Variants in PLAUR observed in about 807,000 individuals in gnomAD.
PLAUR encodes plasminogen activator, urokinase receptor.
PLAUR carries 22 observed loss-of-function variants against 33.4 expected under a neutral mutation model. That is an observed-to-expected ratio of 0.66 (90% CI 0.47 to 0.94). PLAUR has a LOEUF of 0.94. Ranked by LOEUF, PLAUR falls within the 40% of genes least tolerant of loss-of-function variation. PLAUR has a pLI of 0.00. For synonymous variants in PLAUR, 148 were observed against 167.3 expected (o/e 0.88, Z 0.89); for missense variants, 408 against 434.7 (o/e 0.94, Z 0.55).
rs1376825124 is a variant in PLAUR, at chr19:43,652,224, C to A, written c.754+1G>T. ...CCTCCCAGCCTCGGAGAGGGCCTCA[C>A]CGTGAGTGCCGGTGGCTACCAGACA... On this transcript the variant is annotated splice_donor_variant, in intron 6 of 6. Transcript: ENST00000340093. LOFTEE classifies it high-confidence loss of function. 1 of 1,614,034 alleles carries A rather than the reference C, an allele frequency of 6.2e-7. No homozygotes were observed. The highest frequency in any genetic ancestry group is 1.7e-5 in the Admixed American group (1 of 60,006).
At chr19:43,647,879 G>T (rs1212754306), downstream of PLAUR, among the ~76,000 whole-genome samples, 1 of 149,872 alleles carries the variant, frequency 6.7e-6, no homozygotes, top group East Asian at 1.9e-4. Context: ...TGAAGGACAG[G>T]TTTATTTTAG....
intron 3 of PLAUR, among the ~76,000 whole-genome samples, chr19:43,658,320 A>G (rs1313466407): frequency 1.3e-5 from 2 of 152,198 alleles, no homozygotes; most frequent in African/African-American, 4.8e-5. Context: ...AGATGACTGC[A>G]GCCCCAGCTG....
rs4251834 is a variant in PLAUR at position 43,665,183 on chromosome 19, G to A, written c.310+133C>T. 666 of 875,108 alleles carry A rather than the reference G, an allele frequency of 7.6e-4. 6 individuals are homozygous for A. The African/African-American group carries it at 9.8e-3, about 13-fold the overall frequency. The allele number at this position is 875,108 out of a possible 1,614,324, so 54.2% of individuals were successfully genotyped here. ...TGGAGCTGAGCTAGAGATGGGTTGGGTTGGGGTTGGGACTTGGATAAGGCA... is the reference window on the plus strand; with the variant it reads ...TGGAGCTGAGCTAGAGATGGGTTGGATTGGGGTTGGGACTTGGATAAGGCA... On this transcript the variant is annotated intron_variant, in intron 3 of 6. Coordinates refer to ENST00000340093, the MANE Select transcript of PLAUR (RefSeq NM_002659.4).
intron 1 of PLAUR, 26 bp downstream of exon 1, chr19:43,670,040 G>A: frequency 1.2e-6 from 2 of 1,610,932 alleles, no homozygotes; most frequent in Non-Finnish European, 1.7e-6. Context: ...TGTTCCAGGC[G>A]CAGGCGTTCG....
chr19:43,662,720 GT>G (rs58333136), intron 3 of PLAUR, among the ~76,000 whole-genome samples: 95,807 of 141,636 alleles, frequency 0.68, 31,915 homozygotes, highest in East Asian at 0.72. Flanking sequence ...CCTTTCCACT[GT>G]TTTTTTTTTT....
chr19:43,646,484 A>C (rs1301991898), downstream of PLAUR: 1 of 718,174 alleles, frequency 1.4e-6, no homozygotes, highest in South Asian at 1.5e-5. Context: ...GGGCTTCCTC[A>C]CAGCATGGTG....
intron 3 of PLAUR, 94 bp downstream of exon 3, chr19:43,665,222 C>T: frequency 7.6e-7 from 1 of 1,321,402 alleles, no homozygotes; most frequent in Non-Finnish European, 1.1e-6. Flanking sequence ...AGTTGGGGTT[C>T]AGCTGATGTA....
chr19:43,653,547 A>G (rs1974081787), intron 5 of PLAUR, among the ~76,000 whole-genome samples: 1 of 152,198 alleles, frequency 6.6e-6, no homozygotes, highest in African/African-American at 2.4e-5. Flanking sequence ...TAATCCCAGC[A>G]CTTTGGGAGG....
intron 3 of PLAUR, 29 bp downstream of exon 3, chr19:43,665,287 T>A: frequency 6.2e-7 from 1 of 1,611,014 alleles, no homozygotes; most frequent in Non-Finnish European, 8.5e-7. Flanking sequence ...TGGCTTGGGG[T>A]TGGGGATGGC....
At position 43,655,448 on chromosome 19, in the gene PLAUR, C is replaced by G. The variant is rs755296902; in HGVS notation, c.598G>C (p.Glu200Gln). ...GTCTCCCGTTCCTTACTTGGGCCCT[C>G]GTTGCATTTGGTGGTGTTGCAGCAT... The part of the protein sequence containing the change: ...LKCCNTTKCN[E>Q]GPILELENLP... Residue 200 changes from glutamate to glutamine, a missense_variant, in exon 5 of 7, where the codon GAG becomes CAG. Transcript: ENST00000340093. The G allele has an allele frequency of 1.4e-5, 23 of 1,614,108 alleles. No homozygotes were observed. Among genetic ancestry groups the G allele is most frequent in the Non-Finnish European group, 1.8e-5 (21 of 1,179,986 alleles).
chr19:43,647,461 C>T (rs1426766183), downstream of PLAUR, among the ~76,000 whole-genome samples: 1 of 152,112 alleles, frequency 6.6e-6, no homozygotes, highest in Non-Finnish European at 1.5e-5. Flanking sequence ...TAGGAGAAGA[C>T]TAGAAGGTTA....
intron 3 of PLAUR, chr19:43,660,994 A>T (rs1966960930): frequency 1.3e-5 from 2 of 152,174 alleles, no homozygotes; most frequent in Admixed American, 6.6e-5. Context: ...TCAGCTTGGC[A>T]ACCTGTGTCC....
chr19:43,663,856 A>G (rs1040517685), intron 3 of PLAUR, among the ~76,000 whole-genome samples: 13 of 151,912 alleles, frequency 8.6e-5, no homozygotes, highest in African/African-American at 3.1e-4. Context: ...AAAGAAAAGA[A>G]AAAGGGATGA....
In PLAUR at chr19:43,649,014, T is replaced by A. The variant is rs1449226807; in HGVS notation, c.884A>T (p.His295Leu). 1 of 1,614,110 alleles carries A rather than the reference T, an allele frequency of 6.2e-7. No homozygotes were observed. Among genetic ancestry groups the A allele is most frequent in the East Asian group, 2.2e-5 (1 of 44,884 alleles). ...GCGGTACTGGACATCCAGGTCTGGG[T>A]GGTTACAGCCACTTTTAGTACAGCA... The part of the protein sequence containing the change: ...VSCCTKSGCN[H>L]PDLDVQYRSG... Residue 295 changes from histidine (H) to leucine (L), a missense_variant, in exon 7 of 7, where the codon CAC (histidine) becomes CTC (leucine). His to Leu is a moderately conservative substitution (Grantham distance 99, BLOSUM62 -3). Transcript: ENST00000340093.
rs777730913 is a variant in PLAUR, at chr19:43,665,409, T to C, written c.217A>G (p.Thr73Ala). Residue 73 changes from threonine (T) to alanine (A), a missense_variant, in exon 3 of 7, where the codon ACC (threonine) becomes GCC (alanine). Transcript: ENST00000340093. ...VEKSCTHSEK[T>A]NRTLSYRTGL... ...GTCCGATAGCTCAGGGTCCTGTTGG[T>C]CTTCTCTGAGTGGGTACAGCTTTTC... 2 of 1,613,364 alleles carry C rather than the reference T, an allele frequency of 1.2e-6. No homozygotes were observed. Among genetic ancestry groups the C allele is most frequent in the Admixed American group, 3.3e-5 (2 of 59,918 alleles).
chr19:43,667,927 C>T (rs1473888713), intron 1 of PLAUR: 1 of 1,372,440 alleles, frequency 7.3e-7, no homozygotes, highest in East Asian at 2.8e-5. Flanking sequence ...TTCCCAAAGT[C>T]CTGCCTTGGC....
intron 3 of PLAUR, among the ~76,000 whole-genome samples, chr19:43,663,801 A>C (rs60664277): frequency 0.23 from 35,069 of 149,274 alleles, 4,864 homozygotes; most frequent in African/African-American, 0.35. Context: ...AACAAACAAA[A>C]AAAAAAAACA....
chr19:43,655,461 G>C lies in PLAUR; in HGVS notation c.585C>G (p.Thr195=). 1 of 1,614,182 alleles carries C rather than the reference G, an allele frequency of 6.2e-7. No individual in the cohort carries two copies. The highest frequency in any genetic ancestry group is 8.5e-7 in the Non-Finnish European group (1 of 1,180,018). Residue 195 remains threonine, a synonymous_variant, in exon 5 of 7, where the codon ACC becomes ACG. Transcript: ENST00000340093. ...DTFHFLKCCN[T]TKCNEGPILE... ...TACTTGGGCCCTCGTTGCATTTGGT[G>C]GTGTTGCAGCATTTCAGGAAGTGGA... is the stretch of plus-strand genomic sequence containing the variant.
chr19:43,658,272 G>C (rs1974293600), intron 3 of PLAUR, among the ~76,000 whole-genome samples: 1 of 152,120 alleles, frequency 6.6e-6, no homozygotes, highest in East Asian at 1.9e-4. Context: ...CCATGGGAGG[G>C]GAGCATTCAT....
Sources: gnomAD v4.1 joint callset for allele counts (sites outside exome capture counted in the v4.1 genomes callset) on GRCh38, gnomAD v4.1.1 for gene constraint, MANE v1.5 for transcripts, NCBI Gene and HGNC (gene_info 2026-07-23, HGNC 2026-07-21) for gene names.